The following IL15 variants were observed in gnomAD, a reference collection of about 807,000 sequenced individuals.
IL15 encodes interleukin 15.
In IL15, 11 loss-of-function variants were observed where a neutral mutation model predicts 19.6. The observed-to-expected ratio is 0.56, with a 90% CI of 0.35 to 0.93. The LOEUF (loss-of-function observed/expected upper bound fraction) is 0.93, where lower values mean the gene tolerates loss of function less well. Ranked by LOEUF, IL15 falls within the 40% of genes least tolerant of loss-of-function variation. The probability of loss-of-function intolerance (pLI) is 0.01; values close to 1 mark genes in which losing one functional copy is unlikely to be tolerated. For synonymous variants in IL15, 58 were observed against 59.6 expected (o/e 0.97, Z 0.12); for missense variants, 197 against 186.5 (o/e 1.06, Z -0.33).
intron 2 of IL15, among the ~76,000 whole-genome samples, chr4:141,693,313 G>A (rs755091300): frequency 1.3e-5 from 2 of 151,940 alleles, no homozygotes; most frequent in East Asian, 1.9e-4. Flanking sequence ...TCCCTCCCTC[G>A]ACACATGGGC....
intron 2 of IL15, chr4:141,715,064 T>C (rs1021580539): frequency 2.0e-5 from 3 of 152,270 alleles, no homozygotes; most frequent in Admixed American, 1.3e-4. Context: ...CTTTTTTCAG[T>C]TGATGTCAGC....
chr4:141,649,507 G>A (rs1390755714), intron 1 of IL15, among the ~76,000 whole-genome samples: 1 of 151,910 alleles, frequency 6.6e-6, no homozygotes. Context: ...TACCTTGCTG[G>A]TGCAATTAAT....
chr4:141,641,490 A>G (rs1727040033), intron 1 of IL15, among the ~76,000 whole-genome samples: 1 of 152,108 alleles, frequency 6.6e-6, no homozygotes, highest in South Asian at 2.1e-4. Flanking sequence ...GCACATATAC[A>G]CCATAGAATA....
At position 141,720,484 on chromosome 4, in the gene IL15, A is replaced by G; in HGVS notation, c.28A>G (p.Ser10Gly). The G allele has an allele frequency of 1.3e-6, 2 of 1,576,494 alleles. No individual in the cohort carries two copies. The highest frequency in any genetic ancestry group is 1.7e-4 in the Middle Eastern group (1 of 6,004). ...TATTTTTCAGAAACCACATTTGAGAAGTATTTCCATCCAGTGCTACTTGTG... is the reference window on the plus strand; with the variant it reads ...TATTTTTCAGAAACCACATTTGAGAGGTATTTCCATCCAGTGCTACTTGTG... MRISKPHLR[S>G]ISIQCYLCLL... is the part of the protein sequence containing the mutation. Residue 10 changes from serine (S) to glycine (G), a missense_variant, in exon 4 of 8, where the codon AGT becomes GGT. Ser to Gly is a moderately conservative substitution (Grantham distance 56, BLOSUM62 0). Coordinates refer to ENST00000320650, the MANE Select transcript of IL15 (RefSeq NM_000585.5).
intron 2 of IL15, among the ~76,000 whole-genome samples, chr4:141,702,599 G>T (rs999667628): frequency 1.3e-5 from 2 of 152,186 alleles, no homozygotes; most frequent in Non-Finnish European, 2.9e-5. Flanking sequence ...TGCAGGCAGT[G>T]GTGTAAGCTG....
intron 1 of IL15, among the ~76,000 whole-genome samples, chr4:141,651,834 G>A (rs1004390501): frequency 6.6e-6 from 1 of 152,034 alleles, no homozygotes; most frequent in Non-Finnish European, 1.5e-5. Context: ...TCTGGAGCAA[G>A]AAAAAAGTTA....
intron 4 of IL15, chr4:141,721,596 CA>C (rs1248709058): frequency 1.9e-6 from 1 of 525,260 alleles, no homozygotes; most frequent in Non-Finnish European, 3.6e-6. Flanking sequence ...GTAATTCATT[CA>C]AAATCATTTA....
At chr4:141,720,187 G>T (rs1042607542) in intron 3 of IL15, among the ~76,000 whole-genome samples, 1 of 152,034 alleles carries the variant, frequency 6.6e-6, no homozygotes. Flanking sequence ...GGTGACATTG[G>T]TATGTATGTA....
chr4:141,643,210 C>T (rs915333428), intron 1 of IL15, among the ~76,000 whole-genome samples: 2 of 152,206 alleles, frequency 1.3e-5, no homozygotes, highest in East Asian at 3.9e-4. Context: ...TCTCCATCAC[C>T]ATTTTTTTCT....
At chr4:141,667,660 G>A (rs1164327310) in intron 2 of IL15, among the ~76,000 whole-genome samples, 2 of 151,914 alleles carry the variant, frequency 1.3e-5, no homozygotes, top group Non-Finnish European at 2.9e-5. Flanking sequence ...TGCTTTCCGG[G>A]GCTCTGTTTA....
At chr4:141,661,443 G>A (rs1727784341) in intron 2 of IL15, among the ~76,000 whole-genome samples, 1 of 152,156 alleles carries the variant, frequency 6.6e-6, no homozygotes, top group South Asian at 2.1e-4. Flanking sequence ...GTATCCCTTG[G>A]TGGCAGTATC....
At chr4:141,667,557 C>CT (rs34231243) in intron 2 of IL15, among the ~76,000 whole-genome samples, 93 of 150,828 alleles carry the variant, frequency 6.2e-4, no homozygotes, top group African/African-American at 2.1e-3. Flanking sequence ...TAATTCATAC[C>CT]TTTTTTTTTC....
intron 1 of IL15, among the ~76,000 whole-genome samples, chr4:141,646,843 T>C (rs552932876): frequency 6.6e-6 from 1 of 152,214 alleles, no homozygotes; most frequent in East Asian, 1.9e-4. Context: ...CATTAGAATA[T>C]GAACCACAGG....
intron 5 of IL15, among the ~76,000 whole-genome samples, chr4:141,725,862 T>C (rs996516251): frequency 6.6e-6 from 1 of 152,140 alleles, no homozygotes; most frequent in African/African-American, 2.4e-5. Context: ...TTATGTCTTA[T>C]GGTTATGAGA....
intron 2 of IL15, among the ~76,000 whole-genome samples, chr4:141,676,790 A>T (rs568908316): frequency 6.6e-6 from 1 of 151,656 alleles, no homozygotes; most frequent in Non-Finnish European, 1.5e-5. Flanking sequence ...AAAAAAAAAG[A>T]TGGGGTAAAG....
intron 2 of IL15, among the ~76,000 whole-genome samples, chr4:141,706,316 A>G (rs550719938): frequency 3.5e-4 from 54 of 152,126 alleles, no homozygotes; most frequent in African/African-American, 1.2e-3. Flanking sequence ...TGTTCACATA[A>G]AAATACTCCA....
chr4:141,709,423 G>A (rs142223997), intron 2 of IL15, among the ~76,000 whole-genome samples: 27 of 152,170 alleles, frequency 1.8e-4, no homozygotes, highest in African/African-American at 5.3e-4. Context: ...TTGGTTTGCT[G>A]GAGCCAGCTC....
At chr4:141,657,708 C>T (rs1727655884) in intron 2 of IL15, among the ~76,000 whole-genome samples, 1 of 152,154 alleles carries the variant, frequency 6.6e-6, no homozygotes, top group African/African-American at 2.4e-5. Context: ...CGTCCTATCT[C>T]ACTGGAAGGT....
chr4:141,694,088 C>G (rs1161504549), intron 2 of IL15, among the ~76,000 whole-genome samples: 1 of 152,084 alleles, frequency 6.6e-6, no homozygotes, highest in Non-Finnish European at 1.5e-5. Context: ...ATGGTTTTAC[C>G]TTAGGTAGTG....
Sources: gnomAD v4.1 joint callset for allele counts (sites outside exome capture counted in the v4.1 genomes callset) on GRCh38, gnomAD v4.1.1 for gene constraint, MANE v1.5 for transcripts, NCBI Gene and HGNC (gene_info 2026-07-23, HGNC 2026-07-21) for gene names.